Variants in SPHKAP observed in about 807,000 individuals in gnomAD.
SPHKAP encodes the protein SPHK1 interactor, AKAP domain containing.
In SPHKAP, 67 loss-of-function variants were observed where a neutral mutation model predicts 137.5. The observed-to-expected ratio is 0.49, with a 90% CI of 0.40 to 0.60. The LOEUF is 0.60. SPHKAP is among the 20% of genes least tolerant of loss of function. SPHKAP has a pLI of 0.00. For synonymous variants in SPHKAP, 813 were observed against 785.3 expected, an observed-to-expected ratio of 1.04 and a Z score of -0.59; for missense variants, 2,097 against 2,069.3, an observed-to-expected ratio of 1.01 and a Z score of -0.26.
At chr2:227,986,480 G>A (rs750317738) in intron 11 of SPHKAP, among the ~76,000 whole-genome samples, 1 of 152,060 alleles carries the variant, frequency 6.6e-6, no homozygotes, top group Non-Finnish European at 1.5e-5. Context: ...TATACTGGTC[G>A]GGTGATGGGT....
At chr2:228,005,650 G>A (rs1415564319) in intron 7 of SPHKAP, among the ~76,000 whole-genome samples, 1 of 152,148 alleles carries the variant, frequency 6.6e-6, no homozygotes, top group East Asian at 1.9e-4. Flanking sequence ...AGCATTGATG[G>A]TCTTTACAAT....
At chr2:228,118,723 G>A (rs1698802419) in intron 2 of SPHKAP, among the ~76,000 whole-genome samples, 1 of 152,002 alleles carries the variant, frequency 6.6e-6, no homozygotes, top group Non-Finnish European at 1.5e-5. Context: ...TATATTTAAT[G>A]TTAGCTTTGG....
At chr2:227,983,860 A>G (rs1336774399) in intron 11 of SPHKAP, among the ~76,000 whole-genome samples, 2 of 152,166 alleles carry the variant, frequency 1.3e-5, no homozygotes, top group Non-Finnish European at 2.9e-5. Flanking sequence ...GCAAGCAGCA[A>G]AATAAAAGCT....
chr2:228,093,843 G>A (rs1044400012), intron 3 of SPHKAP, among the ~76,000 whole-genome samples: 1 of 108,472 alleles, frequency 9.2e-6, no homozygotes, highest in Non-Finnish European at 1.7e-5. Flanking sequence ...CTGGGCGACA[G>A]GGCAAGACTC....
chr2:228,073,420 A>G (rs1357134717), intron 3 of SPHKAP, among the ~76,000 whole-genome samples: 1 of 152,212 alleles, frequency 6.6e-6, no homozygotes, highest in African/African-American at 2.4e-5. Flanking sequence ...CAGTAATTAT[A>G]CGGATATGTG....
chr2:228,142,222 T>A (rs1699627206), intron 1 of SPHKAP, among the ~76,000 whole-genome samples: 1 of 151,938 alleles, frequency 6.6e-6, no homozygotes, highest in Non-Finnish European at 1.5e-5. Flanking sequence ...TGTACACCAT[T>A]CTGTTGTGCC....
At chr2:228,065,031 T>C (rs947864854) in intron 3 of SPHKAP, among the ~76,000 whole-genome samples, 1 of 152,234 alleles carries the variant, frequency 6.6e-6, no homozygotes, top group Admixed American at 6.5e-5. Context: ...ATACAGTGAT[T>C]TCTCCAAGCT....
At chr2:228,045,670 G>A (rs1696018098) in intron 3 of SPHKAP, among the ~76,000 whole-genome samples, 1 of 151,678 alleles carries the variant, frequency 6.6e-6, no homozygotes. Flanking sequence ...AATGGGTGCA[G>A]CACACCAGCA....
chr2:228,001,468 T>C (rs1244757874), intron 7 of SPHKAP, among the ~76,000 whole-genome samples: 1 of 143,456 alleles, frequency 7.0e-6, no homozygotes, highest in Non-Finnish European at 1.5e-5. Context: ...TATATACGTA[T>C]ATATAAAAAT....
chr2:228,088,352 T>A (rs1218657455), intron 3 of SPHKAP, among the ~76,000 whole-genome samples: 1 of 152,160 alleles, frequency 6.6e-6, no homozygotes, highest in Non-Finnish European at 1.5e-5. Context: ...TAAAGTGTTA[T>A]GTATACCATG....
chr2:228,180,706 A>G (rs994096075), intron 1 of SPHKAP, among the ~76,000 whole-genome samples: 2 of 152,230 alleles, frequency 1.3e-5, no homozygotes, highest in African/African-American at 4.8e-5. Flanking sequence ...AAGAGCGCAA[A>G]GGCCACCTGC....
chr2:228,118,048 T>C (rs961099945), intron 2 of SPHKAP, among the ~76,000 whole-genome samples: 2 of 152,046 alleles, frequency 1.3e-5, no homozygotes, highest in Non-Finnish European at 2.9e-5. Flanking sequence ...ATTTATTGAT[T>C]TGATTTTTAT....
intron 1 of SPHKAP, among the ~76,000 whole-genome samples, chr2:228,134,234 G>GAGGGAGGA (rs369812126): frequency 0.18 from 24,723 of 140,760 alleles, 2,497 homozygotes; most frequent in Middle Eastern, 0.3. Context: ...AGGAGGGAGG[G>GAGGGAGGA]AGGAAGGAAG....
At chr2:228,076,503 G>A (rs1405498034) in intron 3 of SPHKAP, among the ~76,000 whole-genome samples, 2 of 152,138 alleles carry the variant, frequency 1.3e-5, no homozygotes, top group Admixed American at 6.5e-5. Context: ...AGGTGGAGAT[G>A]AGGAACTTGT....
intron 11 of SPHKAP, among the ~76,000 whole-genome samples, chr2:227,986,420 A>G (rs889331095): frequency 4.6e-5 from 7 of 152,190 alleles, no homozygotes; most frequent in Admixed American, 6.5e-5. Flanking sequence ...GACTTGGGGC[A>G]AAGGGTTGGA....
intron 7 of SPHKAP, among the ~76,000 whole-genome samples, chr2:228,001,286 T>TAA (rs1693854511): frequency 6.9e-6 from 1 of 145,006 alleles, no homozygotes; most frequent in African/African-American, 2.5e-5. Flanking sequence ...TCTATACATA[T>TAA]ATCTATACAT....
chr2:228,016,892 T>C lies in SPHKAP; in HGVS notation c.3962A>G (p.Asn1321Ser). The C allele has an allele frequency of 6.2e-7, 1 of 1,614,138 alleles. No homozygotes were observed. The highest frequency in any genetic ancestry group is 8.5e-7 in the Non-Finnish European group (1 of 1,180,010). Residue 1321 changes from asparagine (N) to serine (S), a missense_variant, in exon 7 of 12, where the codon AAC becomes AGC. Asn to Ser is a conservative substitution (Grantham distance 46). Transcript: ENST00000392056. ...CTCTGCATCATCCACAATGATTTTG[T>C]TCTTGCGCATGAGAGCCTCAATGGA... ...ASSIEALMRK[N>S]KIIVDDAEEA...
intron 1 of SPHKAP, among the ~76,000 whole-genome samples, chr2:228,161,532 C>A (rs1037705101): frequency 3.3e-5 from 5 of 151,988 alleles, no homozygotes; most frequent in Admixed American, 6.6e-5. Context: ...GGGAGGGGAA[C>A]AATACACACT....
intron 1 of SPHKAP, among the ~76,000 whole-genome samples, chr2:228,174,274 T>C (rs2106432115): frequency 6.6e-6 from 1 of 152,174 alleles, no homozygotes; most frequent in Non-Finnish European, 1.5e-5. Flanking sequence ...ATCTTGAGAT[T>C]ACATAGTAAG....
Sources: allele counts gnomAD v4.1 joint callset (sites outside exome capture counted in the v4.1 genomes callset), GRCh38; gene constraint gnomAD v4.1.1; transcripts MANE v1.5; gene names NCBI Gene and HGNC (gene_info 2026-07-23, HGNC 2026-07-21).